Variants in GPC5 observed in about 807,000 individuals in gnomAD.
The protein encoded by GPC5 is glypican-5.
In GPC5, 47 loss-of-function variants were observed where a neutral mutation model predicts 53.9. That is an observed-to-expected ratio of 0.87 (90% CI 0.69 to 1.11). GPC5 has a LOEUF of 1.11. Among genes scored for constraint, GPC5 ranks in the 50% most tolerant of loss-of-function variants. The pLI is 0.00. For synonymous variants in GPC5, 286 were observed against 263.3 expected, an observed-to-expected ratio of 1.09 and a Z score of -0.84; for missense variants, 748 against 713.1, an observed-to-expected ratio of 1.05 and a Z score of -0.56.
intron 7 of GPC5, among the ~76,000 whole-genome samples, chr13:92,277,977 T>A (rs1452030461): frequency 4.0e-5 from 6 of 151,894 alleles, no homozygotes; most frequent in Admixed American, 2.0e-4. Context: ...AGTAAACAAG[T>A]AGATCCTCAA....
intron 6 of GPC5, among the ~76,000 whole-genome samples, chr13:92,094,219 A>G (rs1167193507): frequency 6.6e-6 from 1 of 152,140 alleles, no homozygotes; most frequent in Non-Finnish European, 1.5e-5. Context: ...AGTTGTAAAT[A>G]TTTAAGAAAC....
intron 7 of GPC5, among the ~76,000 whole-genome samples, chr13:92,235,402 TTTTG>T (rs1459649105): frequency 2.6e-5 from 4 of 152,130 alleles, no homozygotes; most frequent in South Asian, 2.1e-4. Flanking sequence ...TTAAATACAA[TTTTG>T]TTTAAGTTGT....
intron 5 of GPC5, among the ~76,000 whole-genome samples, chr13:91,795,454 A>G (rs1027100145): frequency 6.6e-6 from 1 of 152,102 alleles, no homozygotes. Context: ...TTAAATAGAT[A>G]TTTTTATTGC....
chr13:91,581,025 G>A (rs1003042609), intron 2 of GPC5, among the ~76,000 whole-genome samples: 1 of 152,116 alleles, frequency 6.6e-6, no homozygotes, highest in Non-Finnish European at 1.5e-5. Context: ...AAGAGAAAAA[G>A]CCTCTTGTAA....
chr13:91,904,013 C>G (rs2039525878), intron 5 of GPC5, among the ~76,000 whole-genome samples: 1 of 151,980 alleles, frequency 6.6e-6, no homozygotes, highest in African/African-American at 2.4e-5. Context: ...CACTGTACGG[C>G]AAACCTACAG....
chr13:92,060,185 A>T (rs2041111419), intron 6 of GPC5, among the ~76,000 whole-genome samples: 1 of 151,954 alleles, frequency 6.6e-6, no homozygotes, highest in Non-Finnish European at 1.5e-5. Context: ...TCCTATACAA[A>T]GAAGCTTGCG....
chr13:91,592,305 A>G (rs1441470272), intron 2 of GPC5, among the ~76,000 whole-genome samples: 1 of 152,134 alleles, frequency 6.6e-6, no homozygotes, highest in East Asian at 1.9e-4. Context: ...CTTCTCTGTA[A>G]TTCCTTGTGT....
At chr13:92,861,874 C>T (rs2138856104) in intron 7 of GPC5, among the ~76,000 whole-genome samples, 1 of 152,218 alleles carries the variant, frequency 6.6e-6, no homozygotes, top group East Asian at 1.9e-4. Flanking sequence ...TTAGACAATG[C>T]TATGGGATAA....
chr13:92,799,025 C>T (rs1876805112), intron 7 of GPC5, among the ~76,000 whole-genome samples: 1 of 151,618 alleles, frequency 6.6e-6, no homozygotes, highest in Non-Finnish European at 1.5e-5. Flanking sequence ...AAAATATTTC[C>T]ACTTTTCTTA....
At chr13:91,859,637 T>G (rs1207252233) in intron 5 of GPC5, among the ~76,000 whole-genome samples, 6 of 152,116 alleles carry the variant, frequency 3.9e-5, no homozygotes, top group African/African-American at 1.4e-4. Context: ...CTTCTTTTAA[T>G]CAGTCCTTCT....
At chr13:92,789,157 C>A (rs569448445) in intron 7 of GPC5, among the ~76,000 whole-genome samples, 1 of 152,064 alleles carries the variant, frequency 6.6e-6, no homozygotes, top group Non-Finnish European at 1.5e-5. Context: ...AAGGAAAGCA[C>A]GGCTTCAACA....
intron 4 of GPC5, among the ~76,000 whole-genome samples, chr13:91,749,790 G>T (rs951501465): frequency 6.6e-6 from 1 of 152,150 alleles, no homozygotes; most frequent in Admixed American, 6.5e-5. Context: ...ATATAAATGG[G>T]TTAGTATTTT....
intron 7 of GPC5, among the ~76,000 whole-genome samples, chr13:92,726,293 T>C (rs1888645518): frequency 6.6e-6 from 1 of 151,608 alleles, no homozygotes; most frequent in Non-Finnish European, 1.5e-5. Context: ...TTACCATACC[T>C]GGAATCAACA....
chr13:91,583,792 A>T (rs1333275450), intron 2 of GPC5, among the ~76,000 whole-genome samples: 1 of 151,694 alleles, frequency 6.6e-6, no homozygotes, highest in Non-Finnish European at 1.5e-5. Flanking sequence ...AAGTGCAGAT[A>T]AAAAAATAGG....
intron 6 of GPC5, among the ~76,000 whole-genome samples, chr13:92,038,951 T>G (rs2040920265): frequency 6.6e-6 from 1 of 152,136 alleles, no homozygotes; most frequent in Non-Finnish European, 1.5e-5. Context: ...TTCTTTGAAG[T>G]CAAATGAAGA....
intron 7 of GPC5, among the ~76,000 whole-genome samples, chr13:92,618,046 A>G (rs1884754688): frequency 1.3e-5 from 2 of 152,202 alleles, no homozygotes; most frequent in African/African-American, 4.8e-5. Context: ...GGTAATTGCC[A>G]TATGAAATTA....
chr13:92,399,336 T>G (rs1345872596), intron 7 of GPC5, among the ~76,000 whole-genome samples: 1 of 152,208 alleles, frequency 6.6e-6, no homozygotes, highest in Non-Finnish European at 1.5e-5. Context: ...TAAGTGCTAT[T>G]GGACAACAAT....
chr13:92,160,573 T>C (rs1276073291), intron 7 of GPC5, among the ~76,000 whole-genome samples: 1 of 152,176 alleles, frequency 6.6e-6, no homozygotes, highest in Non-Finnish European at 1.5e-5. Flanking sequence ...AGAAATTTCC[T>C]GGAAAATCAT....
At chr13:92,595,606 A>T (rs1449487344) in intron 7 of GPC5, among the ~76,000 whole-genome samples, 1 of 151,402 alleles carries the variant, frequency 6.6e-6, no homozygotes, top group Non-Finnish European at 1.5e-5. Flanking sequence ...GTCTCTACTG[A>T]AAATACAAAA....
Sources: allele counts gnomAD v4.1 joint callset (sites outside exome capture counted in the v4.1 genomes callset), GRCh38; gene constraint gnomAD v4.1.1; transcripts MANE v1.5; gene names NCBI Gene and HGNC (gene_info 2026-07-23, HGNC 2026-07-21).